The following FMNL2 variants were observed in gnomAD, a reference collection of about 807,000 sequenced individuals.
FMNL2 encodes the protein formin like 2.
In FMNL2, 51 loss-of-function variants were observed where a neutral mutation model predicts 130.2. The observed-to-expected ratio is 0.39, with a 90% CI of 0.31 to 0.49. FMNL2 has a LOEUF of 0.49. Ranked by LOEUF, FMNL2 falls within the 20% of genes least tolerant of loss-of-function variation. FMNL2 has a pLI of 0.85. For synonymous variants in FMNL2, 465 were observed against 467.1 expected (o/e 1.00, Z 0.06); for missense variants, 977 against 1,316.2 (o/e 0.74, Z 3.99).
chr2:152,401,898 C>CTTTTTTTT (rs70974858), intron 1 of FMNL2, among the ~76,000 whole-genome samples: 30 of 78,578 alleles, frequency 3.8e-4, no homozygotes, highest in African/African-American at 4.3e-4. Flanking sequence ...TGTGTTTAAT[C>CTTTTTTTT]TTTTTTTTTT....
intron 1 of FMNL2, among the ~76,000 whole-genome samples, chr2:152,518,348 T>A (rs1174436955): frequency 6.6e-6 from 1 of 152,184 alleles, no homozygotes; most frequent in African/African-American, 2.4e-5. Context: ...GGTGAATGAT[T>A]ACCCAGTGGA....
intron 9 of FMNL2, among the ~76,000 whole-genome samples, chr2:152,585,928 A>G (rs1697048473): frequency 6.6e-6 from 1 of 152,088 alleles, no homozygotes; most frequent in African/African-American, 2.4e-5. Flanking sequence ...GGCAAAAAAA[A>G]AAAAAAAAAA....
chr2:152,407,211 T>C lies in FMNL2; in HGVS notation c.117+71491T>C, dbSNP rs13015675. On this transcript the variant is annotated intron_variant, in intron 1 of 25. Transcript: ENST00000288670. Reference sequence around the variant, plus strand: ...CTTTCTGTTTTTGTTTTTTTTTTCTTTCCCCCTGAAGCTTCAGAATGTCAT... The same window carrying C: ...CTTTCTGTTTTTGTTTTTTTTTTCTCTCCCCCTGAAGCTTCAGAATGTCAT... 9.5e-3 allele frequency among the ~76,000 whole-genome samples: 1,381 copies of C among 144,706 alleles called. 18 individuals carry two copies. Among genetic ancestry groups the C allele is most frequent in the African/African-American group, 0.028 (1,097 of 39,884 alleles). The allele number at this position is 144,706 out of a possible 152,430, so 94.9% of individuals were successfully genotyped here.
chr2:152,519,364 C>T (rs529938443), intron 1 of FMNL2, among the ~76,000 whole-genome samples: 1 of 152,268 alleles, frequency 6.6e-6, no homozygotes, highest in African/African-American at 2.4e-5. Context: ...AGGGCTTGTA[C>T]AGGGGCAGTG....
At chr2:152,492,324 G>A (rs1044662173) in intron 1 of FMNL2, among the ~76,000 whole-genome samples, 1 of 152,120 alleles carries the variant, frequency 6.6e-6, no homozygotes, top group Non-Finnish European at 1.5e-5. Flanking sequence ...ATAAAAACAG[G>A]AACTTCATTT....
chr2:152,457,833 C>T (rs1689041315), intron 1 of FMNL2, among the ~76,000 whole-genome samples: 1 of 152,184 alleles, frequency 6.6e-6, no homozygotes, highest in South Asian at 2.1e-4. Context: ...CTATTTCCAG[C>T]TTTTAGAAGC....
At chr2:152,506,803 A>C (rs1429608332) in intron 1 of FMNL2, among the ~76,000 whole-genome samples, 5 of 151,430 alleles carry the variant, frequency 3.3e-5, no homozygotes, top group Admixed American at 2.6e-4. Context: ...CTACTAATTT[A>C]GTGGCTGTTT....
chr2:152,619,880 A>G (rs1156489726), intron 15 of FMNL2, among the ~76,000 whole-genome samples, 162 bp downstream of exon 15: 1 of 152,030 alleles, frequency 6.6e-6, no homozygotes, highest in Non-Finnish European at 1.5e-5. Flanking sequence ...GAACATCATC[A>G]CGCATGGGAG....
intron 1 of FMNL2, among the ~76,000 whole-genome samples, chr2:152,358,576 G>T (rs1430358110): frequency 1.3e-5 from 2 of 151,790 alleles, no homozygotes; most frequent in Admixed American, 6.6e-5. Flanking sequence ...GCTTGAACCT[G>T]CAAGGTGGAG....
At chr2:152,553,465 A>T (rs796454329) in intron 4 of FMNL2, among the ~76,000 whole-genome samples, 21 of 151,770 alleles carry the variant, frequency 1.4e-4, no homozygotes, top group African/African-American at 4.8e-4. Context: ...TCAATTCCAC[A>T]CAAGTTAGAA....
chr2:152,537,132 T>C (rs931338715), intron 2 of FMNL2, among the ~76,000 whole-genome samples: 2 of 152,228 alleles, frequency 1.3e-5, no homozygotes, highest in Non-Finnish European at 2.9e-5. Flanking sequence ...AACTTAAGTC[T>C]GCCTGCCTGT....
intron 24 of FMNL2, 65 bp downstream of exon 24, chr2:152,640,121 G>C: frequency 7.2e-7 from 1 of 1,392,910 alleles, no homozygotes; most frequent in Non-Finnish European, 9.6e-7. Flanking sequence ...TTCAGAGCAA[G>C]CCATACAAAG....
chr2:152,427,131 T>G (rs888961599), intron 1 of FMNL2, among the ~76,000 whole-genome samples: 1 of 152,198 alleles, frequency 6.6e-6, no homozygotes, highest in Non-Finnish European at 1.5e-5. Flanking sequence ...ATCATTCTGA[T>G]TAGGTCCCAA....
intron 1 of FMNL2, among the ~76,000 whole-genome samples, chr2:152,466,064 A>G (rs1375729763): frequency 6.6e-6 from 1 of 152,250 alleles, no homozygotes; most frequent in Non-Finnish European, 1.5e-5. Flanking sequence ...TACCTTAACT[A>G]ATAAGATGAT....
intron 9 of FMNL2, among the ~76,000 whole-genome samples, chr2:152,589,987 A>ATATATATGTATATGTATATG (rs1697322466): frequency 7.2e-5 from 4 of 55,238 alleles, no homozygotes; most frequent in Admixed American, 1.9e-4. Context: ...ATATATATGT[A>ATATATATGTATATGTATATG]TATGTATATG....
At chr2:152,474,727 AT>A (rs1185358121) in intron 1 of FMNL2, among the ~76,000 whole-genome samples, 1 of 152,140 alleles carries the variant, frequency 6.6e-6, no homozygotes, top group Non-Finnish European at 1.5e-5. Flanking sequence ...GTCAGCACTT[AT>A]TTCACGTACC....
chr2:152,549,032 G>T lies in FMNL2; in HGVS notation c.294G>T (p.Arg98=). The change falls in exon 4 of 26, where the codon CGG becomes CGT. Residue 98 remains arginine (R), a synonymous_variant. Transcript: ENST00000288670. ...TTCTTGAATTATAGAAATTCAGACG[G>T]CGTGTTCAAGAATCTACACAAGTGC... ...DPAVTRKKFR[R]RVQESTQVLR... 6.2e-7 allele frequency: 1 copy of T among 1,606,968 alleles called. No individual in the cohort carries two copies. Among genetic ancestry groups the T allele is most frequent in the Non-Finnish European group, 8.5e-7 (1 of 1,177,452 alleles).
chr2:152,453,473 C>T (rs887981497), intron 1 of FMNL2, among the ~76,000 whole-genome samples: 4 of 152,110 alleles, frequency 2.6e-5, no homozygotes, highest in Admixed American at 6.6e-5. Flanking sequence ...GAGGAGGGGA[C>T]GATCCAGTTT....
chr2:152,526,433 A>G (rs1331790866), intron 2 of FMNL2, among the ~76,000 whole-genome samples: 2 of 152,084 alleles, frequency 1.3e-5, no homozygotes, highest in African/African-American at 2.4e-5. Context: ...TCTGCCTTTT[A>G]GCCCTGTTTC....
Sources: gnomAD v4.1 joint callset for allele counts (sites outside exome capture counted in the v4.1 genomes callset) on GRCh38, gnomAD v4.1.1 for gene constraint, MANE v1.5 for transcripts, NCBI Gene and HGNC (gene_info 2026-07-23, HGNC 2026-07-21) for gene names.